The following GRK5 variants were observed in gnomAD, a reference collection of about 807,000 sequenced individuals.
GRK5 encodes G protein-coupled receptor kinase 5.
GRK5 carries 40 observed loss-of-function variants against 78.4 expected under a neutral mutation model. That is an observed-to-expected ratio of 0.51 (90% CI 0.40 to 0.66). The LOEUF is 0.66. GRK5 is among the 30% of genes least tolerant of loss of function. The probability of loss-of-function intolerance (pLI) is 0.00; values close to 1 mark genes in which losing one functional copy is unlikely to be tolerated. For missense variants in GRK5, 598 were observed against 759.9 expected (o/e 0.79, Z 2.50); for synonymous variants, 289 against 296.8 (o/e 0.97, Z 0.27).
intron 1 of GRK5, among the ~76,000 whole-genome samples, chr10:119,214,317 CT>C (rs1274782230): frequency 1.3e-5 from 2 of 152,304 alleles, no homozygotes; most frequent in Middle Eastern, 3.4e-3. Flanking sequence ...GTGAACAGAA[CT>C]GGATTTTTTT....
chr10:119,438,125 A>G (rs1056546610), intron 9 of GRK5, among the ~76,000 whole-genome samples: 14 of 152,224 alleles, frequency 9.2e-5, no homozygotes, highest in African/African-American at 2.7e-4. Flanking sequence ...TCGAGTTGCC[A>G]TTGTAATTAG....
intron 1 of GRK5, among the ~76,000 whole-genome samples, chr10:119,218,974 C>T (rs555012427): frequency 3.4e-5 from 5 of 148,574 alleles, no homozygotes; most frequent in Admixed American, 6.6e-5. Flanking sequence ...CTCAGCTCAC[C>T]GCAACCTCCG....
chr10:119,296,604 G>C lies in GRK5; in HGVS notation c.53-29912G>C, dbSNP rs565677938. Among the ~76,000 whole-genome samples the C allele has an allele frequency of 3.3e-5, 5 of 152,320 alleles. No homozygotes were observed. In the South Asian group the frequency reaches 1.0e-3, roughly 32 times the overall value. On this transcript the variant is annotated intron_variant, in intron 1 of 15. Coordinates refer to ENST00000392870, the MANE Select transcript of GRK5 (RefSeq NM_005308.3). Reference sequence around the variant, plus strand: ...GGTCAAAGTGAAGGCTGCTGTGGAGGACGTCATGGTGCATCATTAATTCTG... The same window carrying C: ...GGTCAAAGTGAAGGCTGCTGTGGAGCACGTCATGGTGCATCATTAATTCTG...
rs1848587510 is a variant in GRK5, at chr10:119,217,075, T to A, written c.52+9106T>A. ...TGCTTTTATGTTCCAAAATAAATCT[T>A]TCTTCCTTCCTCTCATAATATATGC... On this transcript the variant is annotated intron_variant, in intron 1 of 15. Transcript: ENST00000392870. This position sits in a 1 kb window ranked among gnomAD's most constrained non-coding sequence, Gnocchi z 4.1. Among the ~76,000 whole-genome samples the A allele has an allele frequency of 6.6e-6, 1 of 152,232 alleles. No homozygotes were observed. Among genetic ancestry groups the A allele is most frequent in the South Asian group, 2.1e-4 (1 of 4,832 alleles).
At chr10:119,414,952 C>T (rs766025245) in intron 4 of GRK5, among the ~76,000 whole-genome samples, 8 of 151,726 alleles carry the variant, frequency 5.3e-5, no homozygotes, top group Middle Eastern at 3.4e-3. Context: ...TGTTGTGGGG[C>T]GTGCCTGTAA....
At chr10:119,293,091 C>T (rs550208924) in intron 1 of GRK5, among the ~76,000 whole-genome samples, 94 of 152,280 alleles carry the variant, frequency 6.2e-4, no homozygotes, top group Non-Finnish European at 7.4e-4. Flanking sequence ...AATAAAAGAG[C>T]GAAGACCTGA....
intron 4 of GRK5, among the ~76,000 whole-genome samples, chr10:119,402,698 CA>C (rs1852169577): frequency 1.3e-5 from 2 of 151,928 alleles, no homozygotes; most frequent in South Asian, 4.2e-4. Context: ...ACTAAAAATA[CA>C]AAAAATCAGC....
At chr10:119,286,101 T>TGAATGTTTTACTTTCATTTTTATTA (rs1849843162) in intron 1 of GRK5, among the ~76,000 whole-genome samples, 1 of 148,834 alleles carries the variant, frequency 6.7e-6, no homozygotes, top group Non-Finnish European at 1.5e-5. Context: ...CATTTTTATG[T>TGAATGTTTTACTTTCATTTTTATTA]ATTCTGTAGC....
chr10:119,395,684 G>A (rs973730790), intron 3 of GRK5, among the ~76,000 whole-genome samples: 2 of 152,212 alleles, frequency 1.3e-5, no homozygotes, highest in African/African-American at 2.4e-5. Flanking sequence ...GAGCGAAGGA[G>A]CCCCTCTGGG....
At position 119,207,594 on chromosome 10, in the gene GRK5, A is replaced by T. The variant is rs1031786945; in HGVS notation, c.-324A>T. The T allele has an allele frequency of 2.8e-5, 8 of 288,788 alleles. No individual in the cohort carries two copies. The highest frequency in any genetic ancestry group is 9.9e-5 in the African/African-American group (4 of 40,540). The allele number at this position is 288,788 out of a possible 1,614,324, so 17.9% of individuals were successfully genotyped here. Reference sequence around the variant, plus strand: ...GCAGAAGCATCCGAGGCATTAAAGCATCCGAGGGAGCCGGAGGGGAGGAGA... The same window carrying T: ...GCAGAAGCATCCGAGGCATTAAAGCTTCCGAGGGAGCCGGAGGGGAGGAGA... On this transcript the variant is annotated 5_prime_UTR_variant, in exon 1 of 16. Coordinates refer to ENST00000392870, the MANE Select transcript of GRK5 (RefSeq NM_005308.3).
chr10:119,331,355 T>C (rs1850775945), intron 2 of GRK5, among the ~76,000 whole-genome samples: 1 of 152,250 alleles, frequency 6.6e-6, no homozygotes, highest in South Asian at 2.1e-4. Flanking sequence ...GGGCTGCAGC[T>C]CGTGGCCACG....
chr10:119,390,981 GA>G (rs1263129806), intron 3 of GRK5, among the ~76,000 whole-genome samples: 1 of 151,044 alleles, frequency 6.6e-6, no homozygotes, highest in African/African-American at 2.4e-5. Flanking sequence ...CACGTGGAGA[GA>G]TGCAGCCCCC....
At position 119,455,001 on chromosome 10, in the gene GRK5, C is replaced by T; in HGVS notation, c.1707C>T (p.Ser569=). Residue 569 remains serine (S), a synonymous_variant, in exon 16 of 16, where the codon TCC becomes TCT. Transcript: ENST00000392870. The part of the protein sequence containing the change: ...HQNNSKSSPS[S]KTSFNHHINS... The stretch of plus-strand genomic sequence containing the variant: ...ACAATTCCAAGAGTTCGCCCAGCTC[C>T]AAGACCAGTTTTAACCACCACATAA... The T allele has an allele frequency of 6.2e-7, 1 of 1,614,128 alleles. No homozygotes were observed. Among genetic ancestry groups the T allele is most frequent in the Non-Finnish European group, 8.5e-7 (1 of 1,179,972 alleles).
intron 1 of GRK5, among the ~76,000 whole-genome samples, chr10:119,291,964 T>TTTTCCTCCTTCTCCTCCTCTC: frequency 1.8e-5 from 1 of 54,454 alleles, no homozygotes; most frequent in African/African-American, 6.6e-5. Context: ...CTCCTCCTCT[T>TTTTCCTCCTTCTCCTCCTCTC]CCTCCTTCTC....
chr10:119,408,209 G>A (rs936301770), intron 4 of GRK5, among the ~76,000 whole-genome samples: 9 of 149,388 alleles, frequency 6.0e-5, no homozygotes, highest in Middle Eastern at 3.5e-3. Context: ...GTATGGTGGC[G>A]CATGCCTGTA....
At chr10:119,403,356 G>A (rs1048040056) in intron 4 of GRK5, among the ~76,000 whole-genome samples, 1 of 152,022 alleles carries the variant, frequency 6.6e-6, no homozygotes, top group East Asian at 1.9e-4. Context: ...TAGTAGAGAC[G>A]GGGTTTCACC....
intron 2 of GRK5, among the ~76,000 whole-genome samples, chr10:119,354,682 G>T (rs943960011): frequency 6.6e-6 from 1 of 152,150 alleles, no homozygotes; most frequent in Non-Finnish European, 1.5e-5. Flanking sequence ...GATTGCAGCT[G>T]CACCCAGCCC....
At chr10:119,350,573 A>G (rs1851172588) in intron 2 of GRK5, among the ~76,000 whole-genome samples, 1 of 152,216 alleles carries the variant, frequency 6.6e-6, no homozygotes, top group African/African-American at 2.4e-5. Context: ...GAAACATTTC[A>G]CAAGAATCTT....
intron 2 of GRK5, among the ~76,000 whole-genome samples, chr10:119,327,379 C>T (rs961882187): frequency 4.6e-5 from 7 of 152,192 alleles, no homozygotes; most frequent in Admixed American, 4.6e-4. Context: ...GCCCTTCTCC[C>T]CTCTGTGCCC....
Sources: allele counts gnomAD v4.1 joint callset (sites outside exome capture counted in the v4.1 genomes callset), GRCh38; gene constraint gnomAD v4.1.1; non-coding constraint Gnocchi (gnomAD v3.1); transcripts MANE v1.5; gene names NCBI Gene and HGNC (gene_info 2026-07-23, HGNC 2026-07-21).